Variants in CACNA2D3 observed in about 807,000 individuals in gnomAD.
CACNA2D3 encodes calcium voltage-gated channel auxiliary subunit alpha2delta 3, also known as voltage-dependent calcium channel subunit alpha-2/delta-3.
Under a neutral mutation model 160.6 loss-of-function variants are expected in CACNA2D3, and 60 were observed. The ratio of observed to expected loss-of-function variants is 0.37; its 90% CI spans 0.30 to 0.46. The LOEUF (loss-of-function observed/expected upper bound fraction) is 0.46, where lower values mean the gene tolerates loss of function less well. CACNA2D3 is among the 20% of genes least tolerant of loss of function. The pLI is 1.00. For missense variants in CACNA2D3, 1,205 were observed against 1,365.0 expected (o/e 0.88, Z 1.85); for synonymous variants, 558 against 492.9 (o/e 1.13, Z -1.75).
intron 2 of CACNA2D3, among the ~76,000 whole-genome samples, chr3:54,278,019 T>G (rs1303772417): frequency 6.6e-6 from 1 of 152,186 alleles, no homozygotes; most frequent in Non-Finnish European, 1.5e-5. Context: ...AAGAAGCTTT[T>G]GCACAGCAAA....
chr3:55,056,793 G>T (rs926808431), intron 35 of CACNA2D3, among the ~76,000 whole-genome samples: 1 of 152,204 alleles, frequency 6.6e-6, no homozygotes, highest in Non-Finnish European at 1.5e-5. Context: ...GGTAACAGAG[G>T]CTGAGGTAGA....
intron 35 of CACNA2D3, among the ~76,000 whole-genome samples, chr3:55,034,889 A>T (rs1169603135): frequency 6.6e-6 from 1 of 152,166 alleles, no homozygotes; most frequent in African/African-American, 2.4e-5. Context: ...TCAAGTATCA[A>T]TTCCTAGAAG....
At position 54,720,621 on chromosome 3, in the gene CACNA2D3, A is replaced by G. The variant is rs556831589; in HGVS notation, c.1168-31978A>G. Among the ~76,000 whole-genome samples the G allele has an allele frequency of 1.1e-4, 16 of 152,210 alleles. No homozygotes were observed. In the East Asian group the frequency reaches 3.1e-3, roughly 29 times the overall value. ...TATGTCAATGTGATCAAATTGACTA[A>G]TTGTAATATTCAGATCTAGTCTCTA... On this transcript the variant is annotated intron_variant, in intron 11 of 37. Transcript: ENST00000474759.
At chr3:54,490,904 TCTTA>T (rs1410169752) in intron 4 of CACNA2D3, among the ~76,000 whole-genome samples, 5 of 152,116 alleles carry the variant, frequency 3.3e-5, no homozygotes, top group Admixed American at 3.3e-4. Flanking sequence ...GGTACTGAGT[TCTTA>T]CTTCTCTTCC....
intron 13 of CACNA2D3, among the ~76,000 whole-genome samples, chr3:54,807,508 C>G (rs914074112): frequency 2.0e-4 from 30 of 152,048 alleles, no homozygotes; most frequent in African/African-American, 7.0e-4. Context: ...CAATGAGATA[C>G]CATCTCACAC....
intron 11 of CACNA2D3, among the ~76,000 whole-genome samples, chr3:54,676,818 A>T (rs920388459): frequency 1.3e-5 from 2 of 152,198 alleles, no homozygotes; most frequent in Admixed American, 6.5e-5. Context: ...CAGAGGAAAG[A>T]TAGATTGGCC....
At chr3:54,721,441 C>T (rs1190872983) in intron 11 of CACNA2D3, among the ~76,000 whole-genome samples, 1 of 152,048 alleles carries the variant, frequency 6.6e-6, no homozygotes, top group Non-Finnish European at 1.5e-5. Flanking sequence ...AATTCCGAGG[C>T]TTACATTTTT....
chr3:54,410,863 A>G (rs902498691), intron 4 of CACNA2D3, among the ~76,000 whole-genome samples: 1 of 152,208 alleles, frequency 6.6e-6, no homozygotes, highest in Non-Finnish European at 1.5e-5. Flanking sequence ...GGTCTGGACA[A>G]AGTAAATTGA....
At position 54,579,122 on chromosome 3, in the gene CACNA2D3, A is replaced by G. The variant is rs186638468; in HGVS notation, c.889-2681A>G. On this transcript the variant is annotated intron_variant, in intron 8 of 37. Transcript: ENST00000474759. ...GGTAGAATGTCAATGAAGTGATTCA[A>G]TTTACCTGGAAAATGGAAGAATGAG... Among the ~76,000 whole-genome samples the G allele has an allele frequency of 2.5e-3, 387 of 152,308 alleles. 1 individual carries two copies. Among genetic ancestry groups the G allele is most frequent in the African/African-American group, 8.6e-3 (358 of 41,568 alleles).
chr3:55,003,313 G>T (rs1703023137), intron 31 of CACNA2D3, among the ~76,000 whole-genome samples: 1 of 152,112 alleles, frequency 6.6e-6, no homozygotes, highest in Admixed American at 6.5e-5. Context: ...CGAAGGGAAG[G>T]GTGGGAATGC....
chr3:54,448,373 G>C (rs998893317), intron 4 of CACNA2D3, among the ~76,000 whole-genome samples: 1 of 152,196 alleles, frequency 6.6e-6, no homozygotes, highest in African/African-American at 2.4e-5. Context: ...ATCTCCTCTA[G>C]TTCTGTGTTT....
intron 11 of CACNA2D3, among the ~76,000 whole-genome samples, chr3:54,737,451 G>A (rs929325748): frequency 6.6e-6 from 1 of 152,218 alleles, no homozygotes; most frequent in Admixed American, 6.5e-5. Context: ...TGGGCAATAT[G>A]TGCAAAGGCC....
intron 17 of CACNA2D3, among the ~76,000 whole-genome samples, chr3:54,864,243 A>C (rs954874421): frequency 6.6e-6 from 1 of 151,384 alleles, no homozygotes; most frequent in African/African-American, 2.4e-5. Flanking sequence ...TTGCTGCTTA[A>C]CTCACTGCAG....
rs150948472 is a variant in CACNA2D3, at chr3:54,263,615, T to C, written c.205-56827T>C. On this transcript the variant is annotated intron_variant, in intron 2 of 37. Transcript: ENST00000474759. ...TTGTTAAATTCAATCTATGAAGCAG[T>C]GTGTGACAGATGTGTGATTCACTGA... Among the ~76,000 whole-genome samples, 9 of 152,332 alleles carry C rather than the reference T, an allele frequency of 5.9e-5. No individual in the cohort carries two copies. In the East Asian group the frequency reaches 1.7e-3, roughly 29 times the overall value.
intron 27 of CACNA2D3, among the ~76,000 whole-genome samples, chr3:54,910,143 T>A (rs938866810): frequency 1.3e-5 from 2 of 152,156 alleles, no homozygotes; most frequent in East Asian, 3.9e-4. Context: ...AAGGCCAAAG[T>A]ACACAATTAT....
intron 2 of CACNA2D3, among the ~76,000 whole-genome samples, chr3:54,200,726 G>T (rs1020397627): frequency 4.6e-5 from 7 of 152,184 alleles, no homozygotes; most frequent in African/African-American, 1.4e-4. Flanking sequence ...GCTGCAGGGA[G>T]AACTGTTCTA....
intron 2 of CACNA2D3, among the ~76,000 whole-genome samples, chr3:54,213,544 G>C (rs571130462): frequency 5.9e-5 from 9 of 152,106 alleles, no homozygotes; most frequent in Non-Finnish European, 1.0e-4. Context: ...TCTTCCTGTG[G>C]TCCTCACCTG....
At chr3:54,542,475 A>G (rs565333069) in intron 5 of CACNA2D3, among the ~76,000 whole-genome samples, 2 of 152,290 alleles carry the variant, frequency 1.3e-5, no homozygotes, top group African/African-American at 4.8e-5. Flanking sequence ...CTGAGTCTCA[A>G]AACCTCACAA....
chr3:54,261,651 C>A (rs1253457056), intron 2 of CACNA2D3, among the ~76,000 whole-genome samples: 1 of 152,206 alleles, frequency 6.6e-6, no homozygotes, highest in Non-Finnish European at 1.5e-5. Context: ...TGTGCCTTTG[C>A]AGGGATAGAA....
Sources: gnomAD v4.1 joint callset for allele counts (sites outside exome capture counted in the v4.1 genomes callset) on GRCh38, gnomAD v4.1.1 for gene constraint, MANE v1.5 for transcripts, NCBI Gene and HGNC (gene_info 2026-07-23, HGNC 2026-07-21) for gene names.